The following CCDC38 variants were observed in gnomAD, a reference collection of about 807,000 sequenced individuals.
CCDC38 encodes the protein coiled-coil domain-containing protein 38.
In CCDC38, 69 loss-of-function variants were observed where a neutral mutation model predicts 72.8. The observed-to-expected ratio is 0.95, with a 90% CI of 0.78 to 1.16. The LOEUF (loss-of-function observed/expected upper bound fraction) is 1.16. Ranked by LOEUF, CCDC38 falls within the 50% of genes most tolerant of loss-of-function variation. The pLI, the probability that CCDC38 is intolerant of heterozygous loss-of-function variation, is 0.00. For synonymous variants in CCDC38, 201 were observed against 213.2 expected (o/e 0.94, Z 0.50); for missense variants, 626 against 638.9 (o/e 0.98, Z 0.22).
intron 4 of CCDC38, among the ~76,000 whole-genome samples, chr12:95,913,041 G>A (rs1265802587): frequency 6.6e-6 from 1 of 152,006 alleles, no homozygotes; most frequent in Non-Finnish European, 1.5e-5. Context: ...TTCCAGCCTG[G>A]GTGACAAAGT....
At chr12:95,914,626 C>T (rs1321556697) in intron 4 of CCDC38, among the ~76,000 whole-genome samples, 3 of 152,142 alleles carry the variant, frequency 2.0e-5, no homozygotes, top group African/African-American at 7.2e-5. Flanking sequence ...ATGAACTATT[C>T]CTTAGTGTCG....
chr12:95,903,688 T>G, intron 5 of CCDC38: 1 of 417,770 alleles, frequency 2.4e-6, no homozygotes, highest in Non-Finnish European at 4.2e-6. Context: ...GTGTATTACA[T>G]TGATTTATTT....
upstream of CCDC38, chr12:95,943,080 T>A (rs1328529279): frequency 3.4e-6 from 1 of 294,054 alleles, no homozygotes; most frequent in Non-Finnish European, 6.3e-6. Flanking sequence ...CACTTTGATC[T>A]CTCGGGGTGA....
At chr12:95,914,530 T>C (rs1367726686) in intron 4 of CCDC38, among the ~76,000 whole-genome samples, 1 of 152,144 alleles carries the variant, frequency 6.6e-6, no homozygotes, top group Non-Finnish European at 1.5e-5. Flanking sequence ...CTTTGTATCA[T>C]TTCACCCATA....
intron 7 of CCDC38, among the ~76,000 whole-genome samples, chr12:95,896,825 A>G (rs2079894206): frequency 6.6e-6 from 1 of 152,016 alleles, no homozygotes; most frequent in Non-Finnish European, 1.5e-5. Flanking sequence ...GCACCTTTCT[A>G]GATGATGTGA....
intron 2 of CCDC38, among the ~76,000 whole-genome samples, chr12:95,927,085 C>T (rs2136732947): frequency 6.6e-6 from 1 of 152,072 alleles, no homozygotes; most frequent in East Asian, 1.9e-4. Context: ...GAGTTCAATT[C>T]CTGGGTATGC....
intron 5 of CCDC38, chr12:95,903,581 T>G: frequency 3.3e-6 from 2 of 608,272 alleles, no homozygotes; most frequent in Non-Finnish European, 6.0e-6. Flanking sequence ...CCTACTTTGC[T>G]GAGAGTCTCC....
chr12:95,895,291 G>A, intron 7 of CCDC38, 145 bp from the exon 8 acceptor site: 2 of 530,522 alleles, frequency 3.8e-6, no homozygotes. Context: ...TAAAAATATG[G>A]GCTTCAGTGA....
At chr12:95,885,910 A>T (rs1362011113) in intron 10 of CCDC38, 2 of 152,220 alleles carry the variant, frequency 1.3e-5, no homozygotes, top group African/African-American at 4.8e-5. Context: ...GATAAGTAGC[A>T]GTATGTTACC....
At chr12:95,867,247 G>T in intron 15 of CCDC38, 58 bp from the exon 16 acceptor site, 1 of 836,696 alleles carries the variant, frequency 1.2e-6, no homozygotes, top group Non-Finnish European at 2.0e-6. Context: ...ATTTTCTATT[G>T]AAATTTGTGA....
At chr12:95,910,334 A>C (rs891410379) in intron 4 of CCDC38, among the ~76,000 whole-genome samples, 10 of 141,768 alleles carry the variant, frequency 7.1e-5, no homozygotes, top group East Asian at 2.0e-4. Context: ...CACACACACA[A>C]AATACCTATG....
At chr12:95,927,637 T>A (rs1480038397) in intron 2 of CCDC38, among the ~76,000 whole-genome samples, 1 of 152,220 alleles carries the variant, frequency 6.6e-6, no homozygotes, top group Admixed American at 6.5e-5. Context: ...CTAGTCTTGA[T>A]GGTCTTTACA....
intron 4 of CCDC38, among the ~76,000 whole-genome samples, chr12:95,910,213 CAAAATCAATGTACA>C (rs1305410082): frequency 1.3e-5 from 2 of 152,006 alleles, no homozygotes; most frequent in Non-Finnish European, 1.5e-5. Context: ...TTTCAGGATA[CAAAATCAATGTACA>C]AAAATCAACA....
chr12:95,916,982 CCTAA>C, intron 4 of CCDC38, 143 bp downstream of exon 4: 1 of 483,106 alleles, frequency 2.1e-6, no homozygotes, highest in South Asian at 6.4e-5. Context: ...TAGAATTTCT[CCTAA>C]CTCTCAATCC....
At chr12:95,872,889 T>C (rs2079596897) in intron 13 of CCDC38, among the ~76,000 whole-genome samples, 1 of 152,244 alleles carries the variant, frequency 6.6e-6, no homozygotes, top group South Asian at 2.1e-4. Context: ...GAAGTTTTAA[T>C]AAATCATTGA....
rs547450945 is a variant in CCDC38 at position 95,928,170 on chromosome 12, G to A, written c.37+8303C>T. On this transcript the variant is annotated intron_variant, in intron 2 of 15. Transcript: ENST00000344280. Reference sequence around the variant, plus strand: ...GTTCCATTCTCCGCATCACTTTCAGGTACACCAATCAGACGTAGATTTGGT... The same window carrying A: ...GTTCCATTCTCCGCATCACTTTCAGATACACCAATCAGACGTAGATTTGGT... 5.4e-3 allele frequency among the ~76,000 whole-genome samples: 815 copies of A among 151,982 alleles called. 11 individuals carry two copies. Among genetic ancestry groups the A allele is most frequent in the African/African-American group, 0.018 (755 of 41,444 alleles).
intron 4 of CCDC38, among the ~76,000 whole-genome samples, chr12:95,907,784 G>C (rs543768511): frequency 6.6e-6 from 1 of 150,868 alleles, no homozygotes; most frequent in Admixed American, 6.6e-5. Flanking sequence ...AGGCAGAGAC[G>C]CTCCTCACAT....
intron 13 of CCDC38, among the ~76,000 whole-genome samples, chr12:95,874,150 AC>A (rs1484326213): frequency 1.3e-5 from 2 of 152,232 alleles, no homozygotes; most frequent in African/African-American, 4.8e-5. Flanking sequence ...AATAAAAGTA[AC>A]CCATCGGATT....
At chr12:95,925,841 A>G (rs925789077) in intron 2 of CCDC38, among the ~76,000 whole-genome samples, 116 of 149,780 alleles carry the variant, frequency 7.7e-4, no homozygotes, top group African/African-American at 2.8e-3. Flanking sequence ...GCTGGATTAC[A>G]TTTATTGATT....
Sources: gnomAD v4.1 joint callset for allele counts (sites outside exome capture counted in the v4.1 genomes callset) on GRCh38, gnomAD v4.1.1 for gene constraint, MANE v1.5 for transcripts, NCBI Gene and HGNC (gene_info 2026-07-23, HGNC 2026-07-21) for gene names.